DAO: variants seen among roughly 807,000 people sequenced by gnomAD.
DAO encodes the protein D-amino acid oxidase.
A neutral mutation model predicts 50.1 loss-of-function variants in DAO; 51 were observed. That is an observed-to-expected ratio of 1.02 (90% confidence interval 0.81 to 1.29). The LOEUF (loss-of-function observed/expected upper bound fraction) is 1.29, where lower values mean the gene tolerates loss of function less well. Among genes scored for constraint, DAO ranks in the 50% most tolerant of loss-of-function variants. The pLI is 0.00. For synonymous variants in DAO, 160 were observed against 166.2 expected (o/e 0.96, Z 0.29); for missense variants, 436 against 439.4 (o/e 0.99, Z 0.07).
chr12:108,884,066 A>G (rs868775103), intron 1 of DAO, among the ~76,000 whole-genome samples: 20 of 152,242 alleles, frequency 1.3e-4, no homozygotes, highest in Non-Finnish European at 8.8e-5. Flanking sequence ...GGGCTTAAGT[A>G]GCTTCAAGGT....
At chr12:108,889,967 C>T (rs73410957) in intron 4 of DAO, among the ~76,000 whole-genome samples, 1,876 of 152,224 alleles carry the variant, frequency 0.012, 35 homozygotes, top group African/African-American at 0.043. Context: ...ACCTGAATCC[C>T]CTCTACGAAT....
intron 2 of DAO, among the ~76,000 whole-genome samples, 194 bp from the exon 3 acceptor site, chr12:108,887,256 A>G (rs1262629625): frequency 6.6e-6 from 1 of 152,096 alleles, no homozygotes; most frequent in Non-Finnish European, 1.5e-5. Context: ...TATTCTATTA[A>G]TGGGGAAATA....
chr12:108,894,230 T>G lies in DAO; in HGVS notation c.508-33T>G, dbSNP rs113090452. 4,416 of 1,547,014 alleles carry G rather than the reference T, an allele frequency of 2.9e-3. 113 individuals are homozygous for G. The African/African-American group carries it at 0.052, about 18-fold the overall frequency. Reference sequence around the variant, plus strand: ...GGGAATACCAGGGTCTTCCCCACCTTTCATCCCCCACTACCCTGTTGGTTG... The same window carrying G: ...GGGAATACCAGGGTCTTCCCCACCTGTCATCCCCCACTACCCTGTTGGTTG... On this transcript the variant is annotated intron_variant, in intron 6 of 10. Transcript: ENST00000228476.
Position 108,900,994 on chromosome 12 carries a change from A to G in DAO, c.*459A>G, listed in dbSNP as rs2039617170. 1 of 211,364 alleles carries G rather than the reference A, an allele frequency of 4.7e-6. No homozygotes were observed. The highest frequency in any genetic ancestry group is 5.3e-5 in the Admixed American group (1 of 18,814). The allele number at this position is 211,364 out of a possible 1,614,324, so 13.1% of individuals were successfully genotyped here. A position where few individuals can be genotyped will look rare whatever the true frequency, so the allele number is the denominator to read the frequency against. On this transcript the variant is annotated 3_prime_UTR_variant, in exon 11 of 11. Coordinates refer to ENST00000228476, the MANE Select transcript of DAO (RefSeq NM_001917.5). Reference sequence around the variant, plus strand: ...ATCTGGCTATGGAACTCTTTTGCCCAGAGCACCCATGAATGCCATGACACA... The same window carrying G: ...ATCTGGCTATGGAACTCTTTTGCCCGGAGCACCCATGAATGCCATGACACA...
chr12:108,900,466 G>A lies in DAO; in HGVS notation c.975G>A (p.Glu325=). 2 of 1,614,172 alleles carry A rather than the reference G, an allele frequency of 1.2e-6. No individual in the cohort carries two copies. Among genetic ancestry groups the A allele is most frequent in the Non-Finnish European group, 1.7e-6 (2 of 1,180,016 alleles). ...CCATCCACTGGGGATGTGCCCTGGA[G>A]GCAGCCAAGCTCTTTGGGAGAATCC... The part of the protein sequence containing the change: ...GLTIHWGCAL[E]AAKLFGRILE... Residue 325 remains glutamate, a synonymous_variant, in exon 11 of 11, where the codon GAG becomes GAA. Coordinates refer to ENST00000228476, the MANE Select transcript of DAO (RefSeq NM_001917.5).
chr12:108,881,953 A>G (rs1425263567), intron 1 of DAO, among the ~76,000 whole-genome samples: 1 of 152,000 alleles, frequency 6.6e-6, no homozygotes, highest in Non-Finnish European at 1.5e-5. Context: ...AAATTCCTAC[A>G]GGCATTTTAT....
In DAO at chr12:108,900,969, A is replaced by T. The variant is rs975245844; in HGVS notation, c.*434A>T. ...GTTTAACCCAGTGCTTGCTAAACCT[A>T]TCTGGCTATGGAACTCTTTTGCCCA... is the stretch of plus-strand genomic sequence containing the variant. On this transcript the variant is annotated 3_prime_UTR_variant, in exon 11 of 11. Coordinates refer to ENST00000228476, the MANE Select transcript of DAO (RefSeq NM_001917.5). 4.4e-6 allele frequency: 1 copy of T among 229,484 alleles called. No homozygotes were observed. Among genetic ancestry groups the T allele is most frequent in the Admixed American group, 5.3e-5 (1 of 19,036 alleles). 14.2% of individuals were successfully genotyped at this position (229,484 alleles called of 1,614,324 possible).
intron 10 of DAO, chr12:108,900,150 C>T: frequency 2.2e-6 from 1 of 455,024 alleles, no homozygotes; most frequent in Non-Finnish European, 4.1e-6. Flanking sequence ...TGGTGGAAGG[C>T]AGGGCTGGGA....
chr12:108,890,981 C>T (rs1241619469), intron 5 of DAO, among the ~76,000 whole-genome samples: 2 of 152,140 alleles, frequency 1.3e-5, no homozygotes, highest in Admixed American at 1.3e-4. Context: ...ACCACCACAC[C>T]TGGCTAATTT....
chr12:108,893,113 G>T (rs1593163731), intron 6 of DAO, 77 bp downstream of exon 6: 11 of 1,391,724 alleles, frequency 7.9e-6, no homozygotes, highest in South Asian at 7.2e-5. Context: ...TGAGTCGGGG[G>T]CTCCCTTCTC....
At chr12:108,896,856 T>C in intron 7 of DAO, 150 bp from the exon 8 acceptor site, 1 of 694,686 alleles carries the variant, frequency 1.4e-6, no homozygotes, top group Admixed American at 2.0e-5. Flanking sequence ...AGGCAAGCAG[T>C]CAGGTGCAGA....
At position 108,885,171 on chromosome 12, in the gene DAO, C is replaced by G; in HGVS notation, c.165C>G (p.Tyr55Ter). The G allele has an allele frequency of 6.8e-6, 11 of 1,613,482 alleles. No individual in the cohort carries two copies. The highest frequency in any genetic ancestry group is 8.5e-6 in the Non-Finnish European group (10 of 1,179,758). Residue 55 changes from tyrosine (Y) to a stop codon, truncating the protein, a stop_gained, in exon 2 of 11, where the codon TAC becomes TAG. Transcript: ENST00000228476. LOFTEE classifies it high-confidence loss of function. Reference protein sequence around the residue: ...TDVAAGLWQPYLSDPNNPQEA... With the variant: ...TDVAAGLWQP ...TGGCTGCCGGCCTCTGGCAGCCCTA[C>G]CTTTCTGACCCCAACAACCCACAGG...
intron 1 of DAO, among the ~76,000 whole-genome samples, chr12:108,881,629 A>G (rs2039382658): frequency 2.5e-5 from 3 of 120,954 alleles, no homozygotes; most frequent in African/African-American, 9.5e-5. Context: ...TTTTTGACAG[A>G]GTTTCACTCT....
chr12:108,883,045 G>A (rs1256660303), intron 1 of DAO, among the ~76,000 whole-genome samples: 3 of 152,008 alleles, frequency 2.0e-5, no homozygotes, highest in Non-Finnish European at 4.4e-5. Flanking sequence ...TCAGCTCTCC[G>A]GAAATTATGC....
rs781499915 is a variant in DAO at position 108,894,297 on chromosome 12, G to C, written c.542G>C (p.Cys181Ser). The C allele has an allele frequency of 6.2e-7, 1 of 1,613,988 alleles. No individual in the cohort carries two copies. Among genetic ancestry groups the C allele is most frequent in the Non-Finnish European group, 8.5e-7 (1 of 1,179,974 alleles). Residue 181 changes from cysteine to serine, a missense_variant, in exon 7 of 11, where the codon TGC becomes TCC. Physicochemically the swap from Cys to Ser is moderately radical, Grantham distance 112 (BLOSUM62 -1). Transcript: ENST00000228476. ...AREGADVIVN[C>S]TGVWAGALQR... ...GAAGGCGCAGACGTGATTGTCAACT[G>C]CACTGGGGTATGGGCTGGGGCGCTA... is the stretch of plus-strand genomic sequence containing the variant.
chr12:108,895,448 T>C (rs1005836929), intron 7 of DAO, among the ~76,000 whole-genome samples: 2 of 147,554 alleles, frequency 1.4e-5, no homozygotes, highest in African/African-American at 5.1e-5. Context: ...TGTGACGGTG[T>C]GTGTGCACGT....
chr12:108,891,705 G>C (rs6539461), intron 5 of DAO, among the ~76,000 whole-genome samples: 60,131 of 151,434 alleles, frequency 0.4, 14,641 homozygotes, highest in African/African-American at 0.66. Context: ...CTCAAGTGAT[G>C]CTCCCACCTC....
chr12:108,898,385 C>A, intron 8 of DAO: 1 of 413,320 alleles, frequency 2.4e-6, no homozygotes. Context: ...TTACTGGTGT[C>A]GTGGAGATGA....
Position 108,893,044 on chromosome 12 carries a change from GC to G in DAO, c.507+9del. 6.2e-7 allele frequency: 1 copy of G among 1,613,230 alleles called. No homozygotes were observed. Among genetic ancestry groups the G allele is most frequent in the Admixed American group, 1.7e-5 (1 of 59,992 alleles). Reference sequence around the variant, plus strand: ...GTGGAGTCTTTTGAGGAGGTGAGTTGCAGGGCTGATGCGGTGGATGGGGCAG... The same window carrying G: ...GTGGAGTCTTTTGAGGAGGTGAGTTGAGGGCTGATGCGGTGGATGGGGCAG... On this transcript the variant is annotated intron_variant, in intron 6 of 10. Transcript: ENST00000228476.
Sources: allele counts gnomAD v4.1 joint callset (sites outside exome capture counted in the v4.1 genomes callset), GRCh38; gene constraint gnomAD v4.1.1; transcripts MANE v1.5; gene names NCBI Gene and HGNC (gene_info 2026-07-23, HGNC 2026-07-21).